C19orf18: variants seen among roughly 807,000 people sequenced by gnomAD.
C19orf18 encodes uncharacterized protein C19orf18.
In C19orf18, 21 loss-of-function variants were observed where a neutral mutation model predicts 23.3. The ratio of observed to expected loss-of-function variants is 0.90; its 90% CI spans 0.64 to 1.30. The LOEUF (loss-of-function observed/expected upper bound fraction) is 1.30, where lower values mean the gene tolerates loss of function less well. Ranked by LOEUF, C19orf18 falls within the 50% of genes most tolerant of loss-of-function variation. The pLI, the probability that C19orf18 is intolerant of heterozygous loss-of-function variation, is 0.00. For synonymous variants in C19orf18, 96 were observed against 95.2 expected (o/e 1.01, Z -0.05); for missense variants, 249 against 259.6 (o/e 0.96, Z 0.28).
Position 57,974,478 on chromosome 19 carries a change from C to G in C19orf18, c.-46G>C, listed in dbSNP as rs778605728. 9 of 1,604,868 alleles carry G rather than the reference C, an allele frequency of 5.6e-6. No homozygotes were observed. Among genetic ancestry groups the G allele is most frequent in the Admixed American group, 3.3e-5 (2 of 59,888 alleles). ...TTTATCCCGTAGATGAAAGGAAATA[C>G]TTAGCTACAGTCCAGCATCTGTCCT... On this transcript the variant is annotated 5_prime_UTR_variant, in exon 1 of 6. Coordinates refer to ENST00000314391, the MANE Select transcript of C19orf18 (RefSeq NM_152474.5).
At chr19:57,961,193 C>G (rs2123217440) in intron 5 of C19orf18, among the ~76,000 whole-genome samples, 198 bp downstream of exon 5, 1 of 151,396 alleles carries the variant, frequency 6.6e-6, no homozygotes, top group African/African-American at 2.4e-5. Context: ...AGAGATCGCG[C>G]CACTGCACTC....
chr19:57,966,901 G>C (rs145790874), intron 3 of C19orf18, among the ~76,000 whole-genome samples: 17 of 152,124 alleles, frequency 1.1e-4, no homozygotes, highest in African/African-American at 3.9e-4. Context: ...CTCCCAAGTA[G>C]CTGGCACTAC....
At chr19:57,971,706 A>C (rs2072945652) in intron 3 of C19orf18, among the ~76,000 whole-genome samples, 1 of 152,030 alleles carries the variant, frequency 6.6e-6, no homozygotes, top group Non-Finnish European at 1.5e-5. Flanking sequence ...CGTGACCTCA[A>C]GTGATTCATC....
intron 3 of C19orf18, among the ~76,000 whole-genome samples, chr19:57,967,328 T>C (rs2072915888): frequency 6.6e-6 from 1 of 152,244 alleles, no homozygotes; most frequent in East Asian, 1.9e-4. Flanking sequence ...GATCGAGAGA[T>C]GGATTTTGTT....
intron 5 of C19orf18, 80 bp from the exon 6 acceptor site, chr19:57,958,797 C>G: frequency 1.3e-6 from 1 of 742,178 alleles, no homozygotes; most frequent in Non-Finnish European, 2.1e-6. Flanking sequence ...GGGAAAAAGC[C>G]TGGAAAAATA....
chr19:57,961,250 GAAA>G, intron 5 of C19orf18, 138 bp downstream of exon 5: 1 of 972,778 alleles, frequency 1.0e-6, no homozygotes, highest in African/African-American at 1.8e-5. Context: ...AAAAATGAAA[GAAA>G]GAAAGGAAGG....
At chr19:57,962,626 C>T (rs1181426858) in intron 4 of C19orf18, among the ~76,000 whole-genome samples, 1 of 152,040 alleles carries the variant, frequency 6.6e-6, no homozygotes, top group African/African-American at 2.4e-5. Context: ...TAGGCCGAGG[C>T]GGGCAGATTA....
chr19:57,974,481 A>T lies in C19orf18; in HGVS notation c.-49T>A. 1 of 1,603,292 alleles carries T rather than the reference A, an allele frequency of 6.2e-7. No homozygotes were observed. Among genetic ancestry groups the T allele is most frequent in the Non-Finnish European group, 8.5e-7 (1 of 1,172,926 alleles). On this transcript the variant is annotated 5_prime_UTR_variant, in exon 1 of 6. It removes the in-frame stop codon of an upstream open reading frame in the 5' UTR. Coordinates refer to ENST00000314391, the MANE Select transcript of C19orf18 (RefSeq NM_152474.5). ...ATCCCGTAGATGAAAGGAAATACTT[A>T]GCTACAGTCCAGCATCTGTCCTCTA... is the stretch of plus-strand genomic sequence containing the variant.
chr19:57,960,882 T>C (rs2011501), intron 5 of C19orf18, among the ~76,000 whole-genome samples: 33,060 of 152,050 alleles, frequency 0.22, 4,272 homozygotes, highest in African/African-American at 0.37. Flanking sequence ...TCTTTGCCTT[T>C]GAAAACCAAG....
chr19:57,972,411 C>A, intron 3 of C19orf18, 52 bp downstream of exon 3: 1 of 1,599,188 alleles, frequency 6.3e-7, no homozygotes, highest in Non-Finnish European at 8.6e-7. Flanking sequence ...CACATCACGA[C>A]AGCTTCAGGA....
At chr19:57,972,636 A>G (rs1222186048) in intron 2 of C19orf18, 132 bp from the exon 3 acceptor site, 2 of 973,116 alleles carry the variant, frequency 2.1e-6, no homozygotes, top group Admixed American at 4.8e-5. Context: ...CTAAGATGGG[A>G]TGTGTTAATA....
At chr19:57,959,812 G>GA (rs2072852999) in intron 5 of C19orf18, among the ~76,000 whole-genome samples, 1 of 117,870 alleles carries the variant, frequency 8.5e-6, no homozygotes, top group South Asian at 2.8e-4. Flanking sequence ...AAAAAAAAAA[G>GA]AAAAAAGAAA....
chr19:57,964,097 G>T (rs1237386042), intron 4 of C19orf18, among the ~76,000 whole-genome samples: 1 of 151,838 alleles, frequency 6.6e-6, no homozygotes, highest in African/African-American at 2.4e-5. Flanking sequence ...TTTTGGTTTT[G>T]GTTTTGGCCC....
chr19:57,960,568 T>C (rs994420066), intron 5 of C19orf18, among the ~76,000 whole-genome samples: 1 of 152,186 alleles, frequency 6.6e-6, no homozygotes, highest in African/African-American at 2.4e-5. Flanking sequence ...ACCTCTATTT[T>C]GTGGGTCTGG....
At chr19:57,968,530 G>A (rs1394631269) in intron 3 of C19orf18, among the ~76,000 whole-genome samples, 1 of 152,082 alleles carries the variant, frequency 6.6e-6, no homozygotes, top group Non-Finnish European at 1.5e-5. Flanking sequence ...TTAACTGCTT[G>A]TATTTTGTTT....
chr19:57,961,663 C>T, intron 4 of C19orf18, 112 bp from the exon 5 acceptor site: 5 of 1,206,572 alleles, frequency 4.1e-6, no homozygotes, highest in Non-Finnish European at 5.8e-6. Context: ...TGGGTGCAGA[C>T]ATAAGACTTT....
chr19:57,972,776 T>C lies in C19orf18; in HGVS notation c.227-272A>G, dbSNP rs538763620. Among the ~76,000 whole-genome samples, 14 of 152,258 alleles carry C rather than the reference T, an allele frequency of 9.2e-5. No homozygotes were observed. In the East Asian group the frequency reaches 1.5e-3, roughly 17 times the overall value. On this transcript the variant is annotated intron_variant, in intron 2 of 5. Coordinates refer to ENST00000314391, the MANE Select transcript of C19orf18 (RefSeq NM_152474.5). ...TTAGGAACAGGATACTTTTGGTTTC[T>C]GGTCTCCTTTTGCAGTCATACAAGT... is the stretch of plus-strand genomic sequence containing the variant.
rs778029673 is a variant in C19orf18 at position 57,972,505 on chromosome 19, C to A, written c.227-1G>T. On this transcript the variant is annotated splice_acceptor_variant, in intron 2 of 5. Coordinates refer to ENST00000314391, the MANE Select transcript of C19orf18 (RefSeq NM_152474.5). LOFTEE classifies it high-confidence loss of function. ...TTCATGGGGTTCGTAGGGGATGCAGCTAAAAGGCCATCAAAGGGGATCAAA... is the reference window on the plus strand; with the variant it reads ...TTCATGGGGTTCGTAGGGGATGCAGATAAAAGGCCATCAAAGGGGATCAAA... 6.2e-7 allele frequency: 1 copy of A among 1,613,978 alleles called. No individual in the cohort carries two copies. Among genetic ancestry groups the A allele is most frequent in the South Asian group, 1.1e-5 (1 of 91,076 alleles).
chr19:57,968,238 T>C (rs904891411), intron 3 of C19orf18, among the ~76,000 whole-genome samples: 3 of 152,022 alleles, frequency 2.0e-5, no homozygotes, highest in Admixed American at 6.6e-5. Flanking sequence ...GTCATGGGGG[T>C]TCCACCCTCA....
Sources: gnomAD v4.1 joint callset for allele counts (sites outside exome capture counted in the v4.1 genomes callset) on GRCh38, gnomAD v4.1.1 for gene constraint, MANE v1.5 for transcripts, NCBI Gene and HGNC (gene_info 2026-07-23, HGNC 2026-07-21) for gene names.